The following NRG1 variants were observed in gnomAD, a reference collection of about 807,000 sequenced individuals.
NRG1 encodes the protein neuregulin 1.
NRG1 carries 18 observed loss-of-function variants against 63.8 expected under a neutral mutation model. That is an observed-to-expected ratio of 0.28 (90% confidence interval 0.19 to 0.42). The LOEUF is 0.42. NRG1 is among the 10% of genes least tolerant of loss of function. The pLI is 1.00. For missense variants in NRG1, 762 were observed against 814.7 expected (o/e 0.94, Z 0.79); for synonymous variants, 302 against 301.3 (o/e 1.00, Z -0.02).
At chr8:31,954,547 T>G (rs563960523) in intron 1 of NRG1, among the ~76,000 whole-genome samples, 15 of 152,346 alleles carry the variant, frequency 9.8e-5, no homozygotes, top group African/African-American at 3.6e-4. Context: ...ATTGTCTGTA[T>G]AGCATGGTTA....
intron 1 of NRG1, among the ~76,000 whole-genome samples, chr8:32,563,862 T>G (rs1836917587): frequency 6.6e-6 from 1 of 152,196 alleles, no homozygotes; most frequent in African/African-American, 2.4e-5. Flanking sequence ...TAACATTAAG[T>G]TGATTTATGA....
chr8:31,707,614 G>T (rs1328739989), intron 1 of NRG1, among the ~76,000 whole-genome samples: 2 of 151,954 alleles, frequency 1.3e-5, no homozygotes, highest in African/African-American at 4.8e-5. Context: ...TCAAAATTAT[G>T]ATATTACTTT....
intron 1 of NRG1, among the ~76,000 whole-genome samples, chr8:32,125,190 G>A (rs1833924956): frequency 4.0e-5 from 6 of 151,892 alleles, no homozygotes; most frequent in Admixed American, 3.9e-4. Context: ...TGACTTCTTA[G>A]TCTCAGAACT....
intron 1 of NRG1, among the ~76,000 whole-genome samples, chr8:31,801,782 T>G (rs939046025): frequency 3.9e-5 from 6 of 152,254 alleles, no homozygotes; most frequent in African/African-American, 1.4e-4. Context: ...TTTTTCATAT[T>G]GCTCAATATC....
intron 1 of NRG1, among the ~76,000 whole-genome samples, chr8:32,067,009 G>A (rs941334184): frequency 2.0e-5 from 3 of 152,166 alleles, no homozygotes; most frequent in African/African-American, 2.4e-5. Flanking sequence ...GGGTGGATAA[G>A]AATGCTTGTG....
At chr8:31,706,120 G>A (rs1336240519) in intron 1 of NRG1, among the ~76,000 whole-genome samples, 1 of 152,136 alleles carries the variant, frequency 6.6e-6, no homozygotes, top group Non-Finnish European at 1.5e-5. Context: ...GAGTAAATGA[G>A]TACATAGTAA....
chr8:31,666,903 T>C (rs1312229412), intron 1 of NRG1, among the ~76,000 whole-genome samples: 1 of 152,226 alleles, frequency 6.6e-6, no homozygotes. Flanking sequence ...TAGCACTTAT[T>C]ATGTGCCAAA....
At chr8:32,202,394 C>A (rs1037422226) in intron 1 of NRG1, among the ~76,000 whole-genome samples, 1 of 152,120 alleles carries the variant, frequency 6.6e-6, no homozygotes, top group African/African-American at 2.4e-5. Flanking sequence ...TGCACAGGAG[C>A]AGAAGCCAGG....
chr8:32,030,137 A>T (rs766342582), intron 1 of NRG1, among the ~76,000 whole-genome samples: 1 of 152,206 alleles, frequency 6.6e-6, no homozygotes, highest in African/African-American at 2.4e-5. Flanking sequence ...ACTATGACTC[A>T]TTGATACATT....
intron 1 of NRG1, among the ~76,000 whole-genome samples, chr8:31,731,314 G>T (rs1351272201): frequency 6.6e-6 from 1 of 151,808 alleles, no homozygotes; most frequent in Non-Finnish European, 1.5e-5. Context: ...AGGGTTTAAT[G>T]ATTTAAGAAG....
At chr8:32,001,272 G>T (rs1479411858) in intron 1 of NRG1, among the ~76,000 whole-genome samples, 1 of 152,006 alleles carries the variant, frequency 6.6e-6, no homozygotes, top group Non-Finnish European at 1.5e-5. Flanking sequence ...ATGGGGGTGG[G>T]TTTTTCCCCT....
intron 1 of NRG1, among the ~76,000 whole-genome samples, chr8:32,588,774 G>T (rs1335774294): frequency 6.6e-6 from 1 of 152,122 alleles, no homozygotes; most frequent in African/African-American, 2.4e-5. Context: ...GCTGCCAGTG[G>T]TAAAGAGAGT....
intron 1 of NRG1, among the ~76,000 whole-genome samples, chr8:31,870,626 C>A (rs1207118013): frequency 6.6e-6 from 1 of 152,014 alleles, no homozygotes; most frequent in Non-Finnish European, 1.5e-5. Context: ...CAAAATAAAA[C>A]CAATCATATA....
At chr8:31,813,483 C>T (rs940026960) in intron 1 of NRG1, among the ~76,000 whole-genome samples, 1 of 103,004 alleles carries the variant, frequency 9.7e-6, no homozygotes, top group Admixed American at 9.5e-5. Context: ...ATTGACTTTG[C>T]TACAGGAATT....
Position 32,728,619 on chromosome 8 carries a change from A to G in NRG1, c.632+541A>G, listed in dbSNP as rs1370662377. On this transcript the variant is annotated intron_variant, in intron 6 of 11. Transcript: ENST00000356819. ...GAGTTTAGTTTTATATTGCTAGTAA[A>G]AAAAGAGAAAAAAGTAAATTGCATA... The G allele has an allele frequency of 3.0e-6, 3 of 984,818 alleles. No individual in the cohort carries two copies. In the African/African-American group the frequency reaches 5.2e-5, roughly 17 times the overall value. The allele number at this position is 984,818 out of a possible 1,614,324, so 61.0% of individuals were successfully genotyped here. A position where few individuals can be genotyped will look rare whatever the true frequency, so the allele number is the denominator to read the frequency against.
At chr8:32,410,240 G>T (rs1471509102) in intron 1 of NRG1, among the ~76,000 whole-genome samples, 3 of 141,146 alleles carry the variant, frequency 2.1e-5, no homozygotes, top group African/African-American at 5.3e-5. Flanking sequence ...GAGTGCAGTG[G>T]CATCATCATA....
intron 4 of NRG1, among the ~76,000 whole-genome samples, chr8:32,616,291 G>C (rs902163790): frequency 2.6e-5 from 4 of 151,412 alleles, no homozygotes; most frequent in African/African-American, 4.9e-5. Context: ...TGGTTTGTTT[G>C]ATCCTAATGT....
chr8:32,549,163 A>C (rs982490175), intron 1 of NRG1, among the ~76,000 whole-genome samples: 1 of 152,180 alleles, frequency 6.6e-6, no homozygotes, highest in African/African-American at 2.4e-5. Context: ...GACCTGGGCT[A>C]TAGGAGTCGA....
intron 1 of NRG1, among the ~76,000 whole-genome samples, chr8:32,363,002 C>T (rs758355001): frequency 4.6e-5 from 7 of 152,138 alleles, no homozygotes; most frequent in Non-Finnish European, 7.4e-5. Context: ...AGGCCACATG[C>T]GCATGGGGTG....
Sources: allele counts gnomAD v4.1 joint callset (sites outside exome capture counted in the v4.1 genomes callset), GRCh38; gene constraint gnomAD v4.1.1; transcripts MANE v1.5; gene names NCBI Gene and HGNC (gene_info 2026-07-23, HGNC 2026-07-21).